The following SYBU variants were observed in gnomAD, a reference collection of about 807,000 sequenced individuals.
The protein encoded by SYBU is syntabulin, also known as GOLSYN A protein.
In SYBU, 21 loss-of-function variants were observed where a neutral mutation model predicts 35.9. The observed-to-expected ratio is 0.58, with a 90% confidence interval of 0.41 to 0.84. SYBU has a LOEUF of 0.84. Ranked by LOEUF, SYBU falls within the 40% of genes least tolerant of loss-of-function variation. The pLI is 0.00. For synonymous variants in SYBU, 319 were observed against 324.3 expected (o/e 0.98, Z 0.18); for missense variants, 768 against 848.2 (o/e 0.91, Z 1.17).
At position 109,584,902 on chromosome 8, in the gene SYBU, C is replaced by T. The variant is rs1022696264; in HGVS notation, c.530+1158G>A. Among the ~76,000 whole-genome samples the T allele has an allele frequency of 1.2e-4, 19 of 152,014 alleles. No individual in the cohort carries two copies. Among genetic ancestry groups the T allele is most frequent in the African/African-American group, 3.4e-4 (14 of 41,390 alleles). On this transcript the variant is annotated intron_variant, in intron 4 of 6. Coordinates refer to ENST00000276646, the MANE Select transcript of SYBU (RefSeq NM_001099754.2). The surrounding 1 kb of genome is among the most constrained non-coding windows in gnomAD (Gnocchi z 4.0). ...ACCGTGGCCCAGGGGAATCAAGTGACGTGACAAAGTCAGAAGCCAGGTCCC... is the reference window on the plus strand; with the variant it reads ...ACCGTGGCCCAGGGGAATCAAGTGATGTGACAAAGTCAGAAGCCAGGTCCC...
At chr8:109,659,902 T>G (rs190063510) in intron 1 of SYBU, among the ~76,000 whole-genome samples, 1 of 152,160 alleles carries the variant, frequency 6.6e-6, no homozygotes, top group East Asian at 1.9e-4. Flanking sequence ...GACCAGATCC[T>G]AAGTAAATTT....
chr8:109,670,552 C>A (rs3108832), intron 1 of SYBU, among the ~76,000 whole-genome samples: 1 of 151,714 alleles, frequency 6.6e-6, no homozygotes. Flanking sequence ...TTTACTGTGA[C>A]GTTTTTCCTA....
At chr8:109,664,613 AC>A (rs1286808826) in intron 1 of SYBU, among the ~76,000 whole-genome samples, 1 of 152,210 alleles carries the variant, frequency 6.6e-6, no homozygotes, top group Non-Finnish European at 1.5e-5. Context: ...TTGTTTAAGT[AC>A]TAAAGAGATT....
intron 3 of SYBU, among the ~76,000 whole-genome samples, chr8:109,592,088 A>T (rs1824344927): frequency 6.6e-6 from 1 of 152,164 alleles, no homozygotes; most frequent in African/African-American, 2.4e-5. Context: ...GGCATACAGC[A>T]AGCCCTTAAT....
At chr8:109,661,088 T>C (rs1475843971) in intron 1 of SYBU, among the ~76,000 whole-genome samples, 1 of 152,192 alleles carries the variant, frequency 6.6e-6, no homozygotes, top group African/African-American at 2.4e-5. Context: ...GATTCAAATC[T>C]GGAAAGGCAA....
In SYBU at chr8:109,691,211, GA is replaced by G; in HGVS notation, c.-58+121del. On this transcript the variant is annotated intron_variant, in intron 1 of 7. Coordinates refer to the SYBU transcript ENST00000422135. This position sits in a 1 kb window ranked among gnomAD's most constrained non-coding sequence, Gnocchi z 4.7. ...AGCACCCTGGATACCTCCCGCATTG[GA>G]AAGGGTGGTCCTGGGGTCCGGAGCG... 1 of 617,268 alleles carries G rather than the reference GA, an allele frequency of 1.6e-6. No homozygotes were observed. Among genetic ancestry groups the G allele is most frequent in the Non-Finnish European group, 2.9e-6 (1 of 343,046 alleles). 38.2% of individuals were successfully genotyped at this position (617,268 alleles called of 1,614,324 possible).
chr8:109,661,378 A>G (rs915114148), intron 1 of SYBU, among the ~76,000 whole-genome samples: 14 of 152,222 alleles, frequency 9.2e-5, no homozygotes, highest in African/African-American at 3.4e-4. Context: ...TGATACCTGT[A>G]ACCTCATTTA....
At chr8:109,632,937 C>T (rs144598428) in intron 2 of SYBU, among the ~76,000 whole-genome samples, 4 of 152,298 alleles carry the variant, frequency 2.6e-5, no homozygotes, top group Non-Finnish European at 4.4e-5. Flanking sequence ...GTGTTTATTG[C>T]TCTAGCTCAG....
At chr8:109,656,875 A>G (rs1449370104) in intron 1 of SYBU, among the ~76,000 whole-genome samples, 2 of 152,140 alleles carry the variant, frequency 1.3e-5, no homozygotes, top group Non-Finnish European at 2.9e-5. Context: ...TTTATTTTAA[A>G]TATTAAAATC....
chr8:109,659,731 C>T (rs1188245712), intron 1 of SYBU, among the ~76,000 whole-genome samples: 3 of 152,068 alleles, frequency 2.0e-5, no homozygotes, highest in Admixed American at 2.0e-4. Flanking sequence ...GCCTTTCCCC[C>T]CAAATCTTAT....
intron 1 of SYBU, among the ~76,000 whole-genome samples, chr8:109,667,104 A>G (rs1201841160): frequency 1.3e-5 from 2 of 152,074 alleles, no homozygotes. Context: ...AATTATTGTT[A>G]TTACTATTGT....
intron 2 of SYBU, among the ~76,000 whole-genome samples, chr8:109,632,208 C>T (rs562228623): frequency 2.6e-5 from 4 of 152,244 alleles, no homozygotes; most frequent in East Asian, 3.9e-4. Context: ...CGCCACCATG[C>T]CTGGTTAATT....
At chr8:109,650,798 T>A (rs1816099549) in intron 1 of SYBU, among the ~76,000 whole-genome samples, 1 of 152,232 alleles carries the variant, frequency 6.6e-6, no homozygotes, top group Admixed American at 6.5e-5. Flanking sequence ...AAATATGCCT[T>A]TTTAAAATGA....
chr8:109,659,913 A>G (rs1303495057), intron 1 of SYBU, among the ~76,000 whole-genome samples: 3 of 152,160 alleles, frequency 2.0e-5, no homozygotes, highest in Non-Finnish European at 4.4e-5. Context: ...AAGTAAATTT[A>G]TTATGTGCAA....
chr8:109,595,109 T>C (rs556601537), intron 3 of SYBU, among the ~76,000 whole-genome samples: 1 of 152,334 alleles, frequency 6.6e-6, no homozygotes, highest in East Asian at 1.9e-4. Flanking sequence ...CTTTTCTTCT[T>C]ATGATTACCC....
At chr8:109,652,346 C>T (rs1816179426) in intron 1 of SYBU, among the ~76,000 whole-genome samples, 1 of 141,784 alleles carries the variant, frequency 7.1e-6, no homozygotes, top group Admixed American at 6.9e-5. Flanking sequence ...TCTTCTTCTT[C>T]CTTTTTCTCC....
At chr8:109,610,207 G>T (rs1038714659) in intron 3 of SYBU, among the ~76,000 whole-genome samples, 2 of 152,008 alleles carry the variant, frequency 1.3e-5, no homozygotes, top group East Asian at 3.8e-4. Flanking sequence ...TGTTTTACTT[G>T]TCACCATCTG....
At chr8:109,607,949 G>A in intron 3 of SYBU, 1 of 1,534,760 alleles carries the variant, frequency 6.5e-7, no homozygotes, top group Non-Finnish European at 8.7e-7. Flanking sequence ...GGCAAACATT[G>A]CCTCTGCAAA....
intron 3 of SYBU, among the ~76,000 whole-genome samples, chr8:109,612,270 T>C (rs754045669): frequency 6.6e-6 from 1 of 152,192 alleles, no homozygotes; most frequent in Non-Finnish European, 1.5e-5. Flanking sequence ...TGATAACTAT[T>C]CGTTTAAAAA....
Sources: allele counts gnomAD v4.1 joint callset (sites outside exome capture counted in the v4.1 genomes callset), GRCh38; gene constraint gnomAD v4.1.1; non-coding constraint Gnocchi (gnomAD v3.1); transcripts MANE v1.5; gene names NCBI Gene and HGNC (gene_info 2026-07-23, HGNC 2026-07-21).